Variants in P2RX5 observed in about 807,000 individuals in gnomAD.
P2RX5 encodes the protein purinergic receptor P2X 5, also known as P2X purinoceptor 5.
P2RX5 carries 46 observed loss-of-function variants against 54.1 expected under a neutral mutation model. The observed-to-expected ratio is 0.85, with a 90% confidence interval of 0.67 to 1.09. The LOEUF (loss-of-function observed/expected upper bound fraction) is 1.09, where lower values mean the gene tolerates loss of function less well. P2RX5 is among the 50% of genes least tolerant of loss of function. The pLI, the probability that P2RX5 is intolerant of heterozygous loss-of-function variation, is 0.00. For synonymous variants in P2RX5, 226 were observed against 226.4 expected, an observed-to-expected ratio of 1.00 and a Z score of 0.02; for missense variants, 566 against 549.8, an observed-to-expected ratio of 1.03 and a Z score of -0.29.
At chr17:3,723,221 T>C in the P2RX5 span, 11 of 1,067,890 alleles carry the variant, frequency 1.0e-5, no homozygotes, top group Non-Finnish European at 1.6e-5. Flanking sequence ...GATGCTATTA[T>C]CTCTTCTAGG....
chr17:3,694,448 C>T (rs1184179851), intron 1 of P2RX5, among the ~76,000 whole-genome samples: 1 of 152,116 alleles, frequency 6.6e-6, no homozygotes, highest in African/African-American at 2.4e-5. Flanking sequence ...TCAGGTGATC[C>T]ACCCACCTCG....
chr17:3,694,382 T>A (rs1396873011), intron 1 of P2RX5, among the ~76,000 whole-genome samples: 1 of 152,104 alleles, frequency 6.6e-6, no homozygotes, highest in African/African-American at 2.4e-5. Flanking sequence ...TGTTGTGTAT[T>A]TTTAGTAGAA....
At chr17:3,720,584 CTTTTTTT>C in the P2RX5 span, 1 of 321,048 alleles carries the variant, frequency 3.1e-6, no homozygotes, top group Non-Finnish European at 5.7e-6. Flanking sequence ...CTTCAACTTC[CTTTTTTT>C]TTTTTTTTGA....
the P2RX5 span, among the ~76,000 whole-genome samples, chr17:3,718,947 C>G: frequency 2.6e-4 from 39 of 152,280 alleles, no homozygotes; most frequent in Admixed American, 4.6e-4. Flanking sequence ...AAATACACTA[C>G]TTAGCCGGAC....
At chr17:3,716,883 C>G in the P2RX5 span, 1 of 768,230 alleles carries the variant, frequency 1.3e-6, no homozygotes, top group Non-Finnish European at 2.2e-6. Flanking sequence ...GAGCAAAATA[C>G]GAGGACTTGG....
chr17:3,688,130 G>A (rs1474853633), intron 8 of P2RX5, 25 bp from the exon 9 acceptor site: 5 of 1,350,092 alleles, frequency 3.7e-6, no homozygotes, highest in Admixed American at 1.8e-5. Flanking sequence ...GCCCAGGGGA[G>A]GCCTCAGCCT....
intron 11 of P2RX5, 123 bp from the exon 12 acceptor site, chr17:3,674,000 C>A: frequency 1.1e-6 from 1 of 941,666 alleles, no homozygotes; most frequent in South Asian, 1.4e-5. Flanking sequence ...TCATGCTTCA[C>A]TTCTCCCCAT....
At chr17:3,701,033 C>A (rs1189713077), upstream of P2RX5, among the ~76,000 whole-genome samples, 1 of 152,204 alleles carries the variant, frequency 6.6e-6, no homozygotes. Context: ...CCACATCACG[C>A]TTCCCTGTAA....
chr17:3,680,841 C>A, intron 10 of P2RX5, among the ~76,000 whole-genome samples: 1 of 139,354 alleles, frequency 7.2e-6, no homozygotes, highest in African/African-American at 2.8e-5. Flanking sequence ...CAGCGTCCTC[C>A]ACCCTGCATC....
Position 3,673,707 on chromosome 17 carries a change from G to A in P2RX5, c.*161C>T. 1.3e-6 allele frequency: 2 copies of A among 1,574,762 alleles called. No individual in the cohort carries two copies. Among genetic ancestry groups the A allele is most frequent in the Non-Finnish European group, 1.7e-6 (2 of 1,160,952 alleles). ...GATGACCCCAGCATCAGACGTGGAG[G>A]TCACTTTGCTCTGTGATGGCTGGTC... is the stretch of plus-strand genomic sequence containing the variant. On this transcript the variant is annotated 3_prime_UTR_variant, in exon 12 of 12. Transcript: ENST00000225328.
At chr17:3,722,271 A>C in the P2RX5 span, 1 of 152,208 alleles carries the variant, frequency 6.6e-6, no homozygotes, top group Non-Finnish European at 1.5e-5. Context: ...ACCTGAGGTC[A>C]GGAGTTCGAG....
At chr17:3,698,941 C>T (rs1316132479), upstream of P2RX5, among the ~76,000 whole-genome samples, 2 of 152,190 alleles carry the variant, frequency 1.3e-5, no homozygotes, top group Non-Finnish European at 1.5e-5. Flanking sequence ...CACAGGCGCT[C>T]ATGCCTGTAA....
the P2RX5 span, among the ~76,000 whole-genome samples, chr17:3,708,996 G>C: frequency 6.6e-6 from 1 of 151,996 alleles, no homozygotes; most frequent in Non-Finnish European, 1.5e-5. Context: ...CTGTCACCCA[G>C]GCTGTAGTGC....
the P2RX5 span, chr17:3,720,332 A>G: frequency 6.3e-7 from 1 of 1,582,938 alleles, no homozygotes; most frequent in Admixed American, 1.7e-5. Context: ...CTCTGCATTC[A>G]GTCCCTCATA....
intron 9 of P2RX5, among the ~76,000 whole-genome samples, chr17:3,685,088 C>CT (rs1449847804): frequency 6.6e-6 from 1 of 152,054 alleles, no homozygotes; most frequent in African/African-American, 2.4e-5. Context: ...TCAGGTGATC[C>CT]GCCACCTCAC....
intron 11 of P2RX5, chr17:3,675,870 C>G: frequency 1.0e-6 from 1 of 985,344 alleles, no homozygotes; most frequent in Non-Finnish European, 1.2e-6. Context: ...ACTTTCTAAT[C>G]AGAGAGCAGT....
At chr17:3,675,318 G>C (rs1041830513) in intron 11 of P2RX5, 31 of 981,648 alleles carry the variant, frequency 3.2e-5, no homozygotes, top group Non-Finnish European at 1.6e-5. Context: ...AGGATTACAG[G>C]CGTGAGCCAC....
chr17:3,679,562 C>T (rs963702260), intron 11 of P2RX5, 28 bp downstream of exon 11: 34 of 1,599,532 alleles, frequency 2.1e-5, no homozygotes, highest in Non-Finnish European at 2.7e-5. Context: ...ACCCAGCTGT[C>T]GGGCTCTCTG....
At chr17:3,699,872 A>AG (rs1567744255), upstream of P2RX5, among the ~76,000 whole-genome samples, 13 of 36,008 alleles carry the variant, frequency 3.6e-4, 1 homozygote, top group Admixed American at 6.1e-4. Flanking sequence ...AAAGAAAGAA[A>AG]GAAAGGAAGG....
Sources: gnomAD v4.1 joint callset for allele counts (sites outside exome capture counted in the v4.1 genomes callset) on GRCh38, gnomAD v4.1.1 for gene constraint, MANE v1.5 for transcripts, NCBI Gene and HGNC (gene_info 2026-07-23, HGNC 2026-07-21) for gene names.